The following FAM222A variants were observed in gnomAD, a reference collection of about 807,000 sequenced individuals.
FAM222A encodes protein FAM222A.
In FAM222A, 7 loss-of-function variants were observed where a neutral mutation model predicts 25.8. The observed-to-expected ratio is 0.27, with a 90% confidence interval of 0.15 to 0.51. The LOEUF (loss-of-function observed/expected upper bound fraction) is 0.51. Among genes scored for constraint, FAM222A ranks in the 20% least tolerant of loss-of-function variants. FAM222A has a pLI of 0.97. For missense variants in FAM222A, 573 were observed against 640.5 expected (o/e 0.89, Z 1.14); for synonymous variants, 294 against 298.8 (o/e 0.98, Z 0.17).
intron 1 of FAM222A, among the ~76,000 whole-genome samples, chr12:109,731,559 G>A (rs1253226815): frequency 2.0e-5 from 3 of 152,188 alleles, no homozygotes; most frequent in Non-Finnish European, 4.4e-5. Context: ...GCACACAGTT[G>A]CTGCTCGATG....
chr12:109,769,349 G>GTC lies in FAM222A; in HGVS notation c.*61_*62insTC, dbSNP rs1889175803. The stretch of plus-strand genomic sequence containing the variant: ...GCGCAGAGCCGGGAGGCAGGCCGCA[G>GTC]AACAGGGTGGGCGGCTCGCAGGGGC... On this transcript the variant is annotated 3_prime_UTR_variant, in exon 3 of 3. Transcript: ENST00000538780. 6.7e-7 allele frequency: 1 copy of GTC among 1,499,580 alleles called. No individual in the cohort carries two copies. Among genetic ancestry groups the GTC allele is most frequent in the Admixed American group, 2.1e-5 (1 of 48,564 alleles). The allele number at this position is 1,499,580 out of a possible 1,614,324, so 92.9% of individuals were successfully genotyped here. A position where few individuals can be genotyped will look rare whatever the true frequency, so the allele number is the denominator to read the frequency against.
At chr12:109,731,640 G>C (rs1455755854) in intron 1 of FAM222A, among the ~76,000 whole-genome samples, 1 of 152,106 alleles carries the variant, frequency 6.6e-6, no homozygotes, top group East Asian at 1.9e-4. Context: ...CAGCCCTGGA[G>C]CCTCAATGAC....
chr12:109,726,672 C>T (rs866051271), intron 1 of FAM222A, among the ~76,000 whole-genome samples: 4 of 152,174 alleles, frequency 2.6e-5, no homozygotes, highest in Non-Finnish European at 5.9e-5. Flanking sequence ...TCAGCACCAA[C>T]GGGATGTGGA....
chr12:109,756,599 C>G (rs1165007984), intron 2 of FAM222A, among the ~76,000 whole-genome samples: 1 of 152,122 alleles, frequency 6.6e-6, no homozygotes, highest in South Asian at 2.1e-4. Context: ...TGCTCTGTGT[C>G]TATTGGGATG....
chr12:109,725,099 C>A (rs907433019), intron 1 of FAM222A, among the ~76,000 whole-genome samples: 23 of 152,224 alleles, frequency 1.5e-4, no homozygotes, highest in African/African-American at 5.5e-4. Context: ...GAACCCTGGG[C>A]TGAGCAACTC....
chr12:109,750,129 G>T (rs1888521917), intron 2 of FAM222A, among the ~76,000 whole-genome samples: 1 of 152,294 alleles, frequency 6.6e-6, no homozygotes, highest in African/African-American at 2.4e-5. Context: ...TGTGTGATTT[G>T]TGTTCTCTGC....
In FAM222A at chr12:109,768,446, C is replaced by T. The variant is rs777073755; in HGVS notation, c.517C>T (p.Pro173Ser). The change falls in exon 3 of 3, where the codon CCC becomes TCC. Residue 173 changes from proline (P) to serine (S), a missense_variant. Pro to Ser is a moderately conservative substitution (Grantham distance 74). Coordinates refer to ENST00000538780, the MANE Select transcript of FAM222A (RefSeq NM_032829.3). ...GGCGCCTGCTCCACCACCCGGCCTG[C>T]CCGCAGCCGCCACTGCCGCCTCCGT... ...PEAPAPPPGL[P>S]AAATAASVIP... is the part of the protein sequence containing the mutation. 3.1e-6 allele frequency: 5 copies of T among 1,600,108 alleles called. No individual in the cohort carries two copies. The highest frequency in any genetic ancestry group is 1.1e-5 in the South Asian group (1 of 90,912).
chr12:109,715,750 C>T (rs1301049517), intron 1 of FAM222A, among the ~76,000 whole-genome samples: 1 of 152,128 alleles, frequency 6.6e-6, no homozygotes, highest in Non-Finnish European at 1.5e-5. Context: ...GCTCAGGCCT[C>T]CCAGACAGAG....
rs1373740154 is a variant in FAM222A at position 109,768,449 on chromosome 12, G to T, written c.520G>T (p.Ala174Ser). 2 of 1,600,238 alleles carry T rather than the reference G, an allele frequency of 1.2e-6. No homozygotes were observed. The highest frequency in any genetic ancestry group is 1.1e-5 in the South Asian group (1 of 90,900). Residue 174 changes from alanine to serine, a missense_variant, in exon 3 of 3, where the codon GCA becomes TCA. Ala to Ser is a moderately conservative substitution (Grantham distance 99). Around this residue, in one of 3 missense-constraint regions of FAM222A, gnomAD observed 412 missense variants for 407.0 expected, o/e 1.01. Transcript: ENST00000538780. ...GCCTGCTCCACCACCCGGCCTGCCC[G>T]CAGCCGCCACTGCCGCCTCCGTCAT... Reference protein sequence around the residue: ...EAPAPPPGLPAAATAASVIPL... With the variant: ...EAPAPPPGLPSAATAASVIPL...
At chr12:109,735,994 G>A (rs1888075028) in intron 1 of FAM222A, 1 of 152,308 alleles carries the variant, frequency 6.6e-6, no homozygotes, top group African/African-American at 2.4e-5. Flanking sequence ...CTCTGGGAGA[G>A]GGCCAGCCAG....
At chr12:109,717,546 C>T (rs963401035) in intron 1 of FAM222A, among the ~76,000 whole-genome samples, 2 of 152,122 alleles carry the variant, frequency 1.3e-5, no homozygotes, top group South Asian at 2.1e-4. Flanking sequence ...TCTGGGTGGC[C>T]GGAGTGGCCC....
At chr12:109,738,543 C>A (rs768146337) in intron 1 of FAM222A, among the ~76,000 whole-genome samples, 2 of 152,218 alleles carry the variant, frequency 1.3e-5, no homozygotes, top group Non-Finnish European at 2.9e-5. Flanking sequence ...CCACCACCCC[C>A]AGGAAGGCTG....
chr12:109,767,988 C>T (rs761843049), intron 2 of FAM222A, 24 bp from the exon 3 acceptor site: 2 of 1,602,948 alleles, frequency 1.2e-6, no homozygotes, highest in Non-Finnish European at 1.7e-6. Context: ...CTGATGGGCC[C>T]TCACACCTGC....
intron 2 of FAM222A, among the ~76,000 whole-genome samples, chr12:109,756,570 G>A (rs1476169432): frequency 6.6e-6 from 1 of 152,096 alleles, no homozygotes; most frequent in African/African-American, 2.4e-5. Flanking sequence ...TTTATCATGA[G>A]GGATATTGAT....
At chr12:109,737,809 G>A (rs1888126636) in intron 1 of FAM222A, among the ~76,000 whole-genome samples, 1 of 152,144 alleles carries the variant, frequency 6.6e-6, no homozygotes, top group South Asian at 2.1e-4. Context: ...AACCAGATCT[G>A]CCTAGCCGCA....
intron 1 of FAM222A, among the ~76,000 whole-genome samples, chr12:109,720,960 G>A (rs1430960015): frequency 1.3e-5 from 2 of 152,116 alleles, no homozygotes; most frequent in African/African-American, 4.8e-5. Context: ...ACTTCTGGCT[G>A]GAGTAGCCAG....
At chr12:109,743,108 CA>C (rs1222880375) in intron 1 of FAM222A, among the ~76,000 whole-genome samples, 1 of 152,078 alleles carries the variant, frequency 6.6e-6, no homozygotes, top group African/African-American at 2.4e-5. Flanking sequence ...AGATGGACAT[CA>C]GGGGTGTCCG....
intron 1 of FAM222A, among the ~76,000 whole-genome samples, chr12:109,730,088 C>T (rs1019175161): frequency 6.6e-6 from 1 of 152,176 alleles, no homozygotes; most frequent in Non-Finnish European, 1.5e-5. Context: ...TTCGAGGTCC[C>T]TCCTAACCCC....
chr12:109,732,077 A>C (rs978161411), intron 1 of FAM222A, among the ~76,000 whole-genome samples: 1 of 151,952 alleles, frequency 6.6e-6, no homozygotes, highest in African/African-American at 2.4e-5. Context: ...GACGTTTGTT[A>C]CTCGGTGGTT....
Sources: allele counts gnomAD v4.1 joint callset (sites outside exome capture counted in the v4.1 genomes callset), GRCh38; gene constraint gnomAD v4.1.1; regional missense constraint gnomAD v4.1.1; transcripts MANE v1.5; gene names NCBI Gene and HGNC (gene_info 2026-07-23, HGNC 2026-07-21).